The following AGMO variants were observed in gnomAD, a reference collection of about 807,000 sequenced individuals.
AGMO encodes alkylglycerol monooxygenase, also known as glyceryl-ether monooxygenase.
AGMO carries 75 observed loss-of-function variants against 60.2 expected under a neutral mutation model. The observed-to-expected ratio is 1.25, with a 90% CI of 1.03 to 1.51. AGMO has a LOEUF of 1.51. Among genes scored for constraint, AGMO ranks in the 40% most tolerant of loss-of-function variants. The pLI, the probability that AGMO is intolerant of heterozygous loss-of-function variation, is 0.00. For missense variants in AGMO, 763 were observed against 525.5 expected (o/e 1.45, Z -4.42); for synonymous variants, 261 against 177.1 (o/e 1.47, Z -3.76).
At chr7:15,444,146 A>C (rs1460974246) in intron 3 of AGMO, among the ~76,000 whole-genome samples, 1 of 151,958 alleles carries the variant, frequency 6.6e-6, no homozygotes, top group African/African-American at 2.4e-5. Context: ...TATAGTATCG[A>C]ATATATTTTT....
chr7:15,311,601 T>A (rs1257592016), intron 12 of AGMO, among the ~76,000 whole-genome samples: 1 of 152,182 alleles, frequency 6.6e-6, no homozygotes, highest in Non-Finnish European at 1.5e-5. Flanking sequence ...TCCAGCTGCC[T>A]GACCAAAGCA....
At chr7:15,318,087 T>G (rs1207621185) in intron 12 of AGMO, among the ~76,000 whole-genome samples, 2 of 151,080 alleles carry the variant, frequency 1.3e-5, no homozygotes, top group African/African-American at 4.9e-5. Flanking sequence ...CTCACTGCAA[T>G]CTCTGCCTCT....
At chr7:15,414,782 T>G (rs1410986968) in intron 5 of AGMO, among the ~76,000 whole-genome samples, 2 of 152,174 alleles carry the variant, frequency 1.3e-5, no homozygotes, top group Non-Finnish European at 2.9e-5. Context: ...ATTGAGGAAC[T>G]GACATAAAGG....
intron 3 of AGMO, among the ~76,000 whole-genome samples, chr7:15,539,329 T>G (rs1784560457): frequency 1.3e-5 from 2 of 152,118 alleles, no homozygotes; most frequent in Non-Finnish European, 2.9e-5. Flanking sequence ...GCAGTGTCTG[T>G]GCTCCTCTCC....
At chr7:15,350,437 T>C (rs571967048) in intron 12 of AGMO, among the ~76,000 whole-genome samples, 1 of 152,174 alleles carries the variant, frequency 6.6e-6, no homozygotes, top group Non-Finnish European at 1.5e-5. Context: ...GCCACTTAAA[T>C]AGCAAAGTTA....
chr7:15,526,825 G>A (rs894413364), intron 3 of AGMO, among the ~76,000 whole-genome samples: 5 of 152,090 alleles, frequency 3.3e-5, no homozygotes, highest in Non-Finnish European at 7.4e-5. Flanking sequence ...TGCTCACTTT[G>A]TGTCTCTGTA....
intron 12 of AGMO, among the ~76,000 whole-genome samples, chr7:15,280,284 G>A (rs918448649): frequency 6.6e-6 from 1 of 152,124 alleles, no homozygotes; most frequent in Non-Finnish European, 1.5e-5. Context: ...GACCTGCCTT[G>A]CCAAATGCAT....
chr7:15,495,838 CT>C lies in AGMO; in HGVS notation c.409+48933del, dbSNP rs1342080177. 7.3e-5 allele frequency among the ~76,000 whole-genome samples: 10 copies of C among 136,292 alleles called. No individual in the cohort carries two copies. The East Asian group carries it at 8.5e-4, about 12-fold the overall frequency. The allele number at this position is 136,292 out of a possible 152,430, so 89.4% of individuals were successfully genotyped here. A position where few individuals can be genotyped will look rare whatever the true frequency, so the allele number is the denominator to read the frequency against. On this transcript the variant is annotated intron_variant, in intron 3 of 12. Transcript: ENST00000342526. Reference sequence around the variant, plus strand: ...ATGGAGACTCTCTCTCTCTCTCTCTCTCTCCTCTCTCTCTCCTCTCTCTCTC... The same window carrying C: ...ATGGAGACTCTCTCTCTCTCTCTCTCCTCCTCTCTCTCTCCTCTCTCTCTC...
chr7:15,437,583 C>A (rs915472192), intron 3 of AGMO, among the ~76,000 whole-genome samples: 1 of 144,974 alleles, frequency 6.9e-6, no homozygotes, highest in Non-Finnish European at 1.5e-5. Context: ...CGCCCAGGCT[C>A]GAGTGCAGTG....
chr7:15,316,940 AAG>A (rs1780944346), intron 12 of AGMO, among the ~76,000 whole-genome samples: 1 of 152,180 alleles, frequency 6.6e-6, no homozygotes, highest in Admixed American at 6.6e-5. Context: ...TCTTCACAGA[AAG>A]AGAATATTCA....
intron 12 of AGMO, among the ~76,000 whole-genome samples, chr7:15,237,013 AACCTTTATTAT>A (rs1372266767): frequency 5.9e-5 from 9 of 152,272 alleles, no homozygotes; most frequent in African/African-American, 2.2e-4. Flanking sequence ...AAAGTGATGA[AACCTTTATTAT>A]TGAGGCAAAG....
chr7:15,142,425 G>T, the AGMO span, among the ~76,000 whole-genome samples: 3 of 152,056 alleles, frequency 2.0e-5, no homozygotes, highest in African/African-American at 4.8e-5. Flanking sequence ...GATCTAGAAA[G>T]GTTTCTTTTC....
At chr7:15,510,133 G>T (rs949560603) in intron 3 of AGMO, among the ~76,000 whole-genome samples, 2 of 152,078 alleles carry the variant, frequency 1.3e-5, no homozygotes, top group African/African-American at 4.8e-5. Flanking sequence ...GCAGCATTAT[G>T]TCAAAGAGAC....
Position 15,279,555 on chromosome 7 carries a change from A to G in AGMO, c.1264-78196T>C, listed in dbSNP as rs111798734. The stretch of plus-strand genomic sequence containing the variant: ...TTCTCAAGGTCGTGGATTGGAGGCA[A>G]TGTTAACATGCCCCTCCAACTTGGA... On this transcript the variant is annotated intron_variant, in intron 12 of 12. Transcript: ENST00000342526. Among the ~76,000 whole-genome samples the G allele has an allele frequency of 1.3e-3, 195 of 152,192 alleles. 1 individual carries two copies. Among genetic ancestry groups the G allele is most frequent in the Middle Eastern group, 6.8e-3 (2 of 294 alleles).
At chr7:15,227,846 A>G (rs1232881648) in intron 12 of AGMO, among the ~76,000 whole-genome samples, 1 of 152,130 alleles carries the variant, frequency 6.6e-6, no homozygotes, top group Non-Finnish European at 1.5e-5. Flanking sequence ...GCACAAGGTG[A>G]CAGATTTGAA....
At chr7:15,333,575 C>A (rs755882419) in intron 12 of AGMO, among the ~76,000 whole-genome samples, 4 of 145,402 alleles carry the variant, frequency 2.8e-5, no homozygotes, top group Non-Finnish European at 6.0e-5. Flanking sequence ...TTACTTGATA[C>A]TCTCTATAGA....
chr7:15,137,339 G>A, the AGMO span, among the ~76,000 whole-genome samples: 1 of 152,174 alleles, frequency 6.6e-6, no homozygotes, highest in South Asian at 2.1e-4. Flanking sequence ...ATCTGATAAT[G>A]TATTTTCTTC....
chr7:15,324,314 C>T (rs558395552), intron 12 of AGMO, among the ~76,000 whole-genome samples: 4 of 152,264 alleles, frequency 2.6e-5, no homozygotes, highest in Non-Finnish European at 5.9e-5. Context: ...CCTGTCCCCA[C>T]GTGTTTGTCT....
the AGMO span, among the ~76,000 whole-genome samples, chr7:15,146,972 G>T: frequency 6.6e-6 from 1 of 151,992 alleles, no homozygotes; most frequent in African/African-American, 2.4e-5. Context: ...TATTATTTAG[G>T]ATATACATTT....
Sources: allele counts gnomAD v4.1 joint callset (sites outside exome capture counted in the v4.1 genomes callset), GRCh38; gene constraint gnomAD v4.1.1; transcripts MANE v1.5; gene names NCBI Gene and HGNC (gene_info 2026-07-23, HGNC 2026-07-21).